The following MPHOSPH9 variants were observed in gnomAD, a reference collection of about 807,000 sequenced individuals.
MPHOSPH9 encodes the protein M-phase phosphoprotein 9.
Under a neutral mutation model 145.5 loss-of-function variants are expected in MPHOSPH9, and 88 were observed. The ratio of observed to expected loss-of-function variants is 0.60; its 90% CI spans 0.51 to 0.72. The LOEUF is 0.72. Ranked by LOEUF, MPHOSPH9 falls within the 30% of genes least tolerant of loss-of-function variation. The pLI is 0.00. For synonymous variants in MPHOSPH9, 435 were observed against 486.2 expected, an observed-to-expected ratio of 0.89 and a Z score of 1.39; for missense variants, 1,238 against 1,386.6, an observed-to-expected ratio of 0.89 and a Z score of 1.70.
intron 3 of MPHOSPH9, among the ~76,000 whole-genome samples, chr12:123,227,030 T>C (rs1004847163): frequency 6.6e-6 from 1 of 152,322 alleles, no homozygotes; most frequent in East Asian, 1.9e-4. Flanking sequence ...TATAATGCAA[T>C]GTATCACAGC....
At chr12:123,201,887 A>T (rs140902249) in intron 11 of MPHOSPH9, among the ~76,000 whole-genome samples, 1 of 152,314 alleles carries the variant, frequency 6.6e-6, no homozygotes, top group Non-Finnish European at 1.5e-5. Flanking sequence ...TAGACTTATT[A>T]GAAAGTCCAT....
intron 8 of MPHOSPH9, among the ~76,000 whole-genome samples, chr12:123,207,577 G>A (rs1043423757): frequency 4.6e-5 from 7 of 152,150 alleles, no homozygotes; most frequent in African/African-American, 1.7e-4. Context: ...ATGAAGGCCG[G>A]GTGCACTAGC....
chr12:123,200,432 T>A (rs1166119735), intron 11 of MPHOSPH9, among the ~76,000 whole-genome samples: 2 of 152,148 alleles, frequency 1.3e-5, no homozygotes, highest in East Asian at 3.9e-4. Context: ...TTAACTGCTA[T>A]AATACAGCCA....
At position 123,166,656 on chromosome 12, in the gene MPHOSPH9, C is replaced by T; in HGVS notation, c.2590G>A (p.Gly864Arg). The T allele has an allele frequency of 6.2e-7, 1 of 1,612,170 alleles. No individual in the cohort carries two copies. Among genetic ancestry groups the T allele is most frequent in the Middle Eastern group, 1.7e-4 (1 of 6,052 alleles). Residue 864 changes from glycine (G) to arginine (R), a missense_variant and splice_region_variant, in exon 17 of 24, where the codon GGG becomes AGG. Gly to Arg is a moderately radical substitution (Grantham distance 125). This residue lies in a region of MPHOSPH9 where 393 missense variants were observed against 462.5 expected (regional missense o/e 0.85). Coordinates refer to ENST00000606320, the MANE Select transcript of MPHOSPH9 (RefSeq NM_022782.4). ...DNQLEETCSL[G>R]HRSPLEKDSS... ...GAATCTTTAGCAAAGTTATCTCACC[C>T]TAGGCTACAGGTTTCCTCCAGCTGG...
Position 123,157,323 on chromosome 12 carries a change from T to C in MPHOSPH9, c.3451-415A>G, listed in dbSNP as rs548644026. On this transcript the variant is annotated intron_variant, in intron 23 of 23. Transcript: ENST00000606320. Reference sequence around the variant, plus strand: ...CACATACATAGATCAAATAACTTTCTTCTCACCAAAATTTCTAAGTTAAAA... The same window carrying C: ...CACATACATAGATCAAATAACTTTCCTCTCACCAAAATTTCTAAGTTAAAA... Among the ~76,000 whole-genome samples the C allele has an allele frequency of 1.1e-4, 17 of 151,814 alleles. No homozygotes were observed. The South Asian group carries it at 2.7e-3, about 24-fold the overall frequency.
At chr12:123,230,790 G>A (rs537528997) in intron 1 of MPHOSPH9, among the ~76,000 whole-genome samples, 1 of 152,282 alleles carries the variant, frequency 6.6e-6, no homozygotes, top group South Asian at 2.1e-4. Context: ...AAGATACTAT[G>A]CTAAGTAAAA....
At chr12:123,210,192 AGAGT>A in intron 7 of MPHOSPH9, 30 bp from the exon 8 acceptor site, 1 of 1,374,190 alleles carries the variant, frequency 7.3e-7, no homozygotes, top group Non-Finnish European at 9.9e-7. Context: ...AGAATAGAAA[AGAGT>A]GAGAAAAAAA....
At chr12:123,168,562 T>TA (rs2044426875) in intron 16 of MPHOSPH9, among the ~76,000 whole-genome samples, 1 of 151,920 alleles carries the variant, frequency 6.6e-6, no homozygotes, top group Admixed American at 6.6e-5. Flanking sequence ...CAGGATGGTC[T>TA]CGATCTCCTG....
chr12:123,202,373 T>C (rs1436909630), intron 10 of MPHOSPH9, 54 bp from the exon 11 acceptor site: 1 of 1,508,128 alleles, frequency 6.6e-7, no homozygotes, highest in Non-Finnish European at 8.9e-7. Flanking sequence ...TCAGTCTCCA[T>C]CCCACAAGAG....
At chr12:123,189,399 G>A (rs2045579075) in intron 13 of MPHOSPH9, among the ~76,000 whole-genome samples, 2 of 152,280 alleles carry the variant, frequency 1.3e-5, no homozygotes, top group Admixed American at 1.3e-4. Flanking sequence ...TGGAGCTATG[G>A]CAGCTAGAAC....
In MPHOSPH9 at chr12:123,161,362, G is replaced by T; in HGVS notation, c.3155C>A (p.Ala1052Asp). The T allele has an allele frequency of 6.2e-7, 1 of 1,613,932 alleles. No individual in the cohort carries two copies. Among genetic ancestry groups the T allele is most frequent in the Non-Finnish European group, 8.5e-7 (1 of 1,179,966 alleles). ...DSEEKTYSEKATDNHVNHSSC... is the reference protein window; with the variant it reads ...DSEEKTYSEKDTDNHVNHSSC... ...GCTATGATTAACATGGTTATCGGTG[G>T]CTTTCTCAGAATAAGTTTTTTCTGT... is the stretch of plus-strand genomic sequence containing the variant. Residue 1052 changes from alanine (A) to aspartate (D), a missense_variant, in exon 22 of 24, where the codon GCC becomes GAC. This residue lies in a region of MPHOSPH9 where 393 missense variants were observed against 462.5 expected (regional missense o/e 0.85). Coordinates refer to ENST00000606320, the MANE Select transcript of MPHOSPH9 (RefSeq NM_022782.4).
intron 8 of MPHOSPH9, among the ~76,000 whole-genome samples, chr12:123,207,805 A>C (rs1246870347): frequency 6.6e-6 from 1 of 151,474 alleles, no homozygotes; most frequent in African/African-American, 2.4e-5. Context: ...GTGAGCTGAG[A>C]TCACGCCACT....
At position 123,161,141 on chromosome 12, in the gene MPHOSPH9, C is replaced by A. The variant is rs756717239; in HGVS notation, c.3376G>T (p.Asp1126Tyr). 1.2e-6 allele frequency: 2 copies of A among 1,613,710 alleles called. No homozygotes were observed. The highest frequency in any genetic ancestry group is 4.5e-5 in the East Asian group (2 of 44,870). ...AAATATTTGTTTGTTTTTACCTGGT[C>A]CTTTTCTTTTGTAAGTTCATCAAAA... ...RFFDELTKEK[D>Y]QIEAALSRMP... The change falls in exon 22 of 24, where the codon GAC (aspartate) becomes TAC (tyrosine). Residue 1126 changes from aspartate (D) to tyrosine (Y), a missense_variant. Asp to Tyr is a radical substitution (Grantham distance 160). Around this residue, in one of 3 missense-constraint regions of MPHOSPH9, gnomAD observed 393 missense variants for 462.5 expected, o/e 0.85. Coordinates refer to ENST00000606320, the MANE Select transcript of MPHOSPH9 (RefSeq NM_022782.4).
intron 13 of MPHOSPH9, among the ~76,000 whole-genome samples, chr12:123,188,414 A>G (rs200640781): frequency 5.4e-4 from 79 of 145,204 alleles, no homozygotes; most frequent in African/African-American, 1.9e-3. Context: ...AGACTATTAT[A>G]ACAGGCTATA....
chr12:123,158,469 G>T (rs907858178), intron 23 of MPHOSPH9, among the ~76,000 whole-genome samples: 4 of 152,156 alleles, frequency 2.6e-5, no homozygotes, highest in Non-Finnish European at 4.4e-5. Flanking sequence ...GCCAGGTGTG[G>T]TGGTGCATGC....
rs1180098188 is a variant in MPHOSPH9, at chr12:123,155,298, AAAAGTTGCAG to A, written c.*1499_*1508del. 1.3e-5 allele frequency: 2 copies of A among 152,248 alleles called. No homozygotes were observed. Among genetic ancestry groups the A allele is most frequent in the African/African-American group, 4.8e-5 (2 of 41,472 alleles). The allele number at this position is 152,248 out of a possible 1,614,324, so 9.4% of individuals were successfully genotyped here. A position where few individuals can be genotyped will look rare whatever the true frequency, so the allele number is the denominator to read the frequency against. On this transcript the variant is annotated 3_prime_UTR_variant, in exon 24 of 24. Coordinates refer to ENST00000606320, the MANE Select transcript of MPHOSPH9 (RefSeq NM_022782.4). ...TAATTTTGATTAGCCTGAAGTCTTCAAAAGTTGCAGAGTAGGGAGCAAAGGTTCAACTGCA... is the reference window on the plus strand; with the variant it reads ...TAATTTTGATTAGCCTGAAGTCTTCAAGTAGGGAGCAAAGGTTCAACTGCA...
At chr12:123,222,021 A>G in intron 4 of MPHOSPH9, 126 bp from the exon 5 acceptor site, 1 of 671,868 alleles carries the variant, frequency 1.5e-6, no homozygotes, top group Admixed American at 3.3e-5. Flanking sequence ...GTGATACTTT[A>G]TCTTTAGTTT....
intron 2 of MPHOSPH9, among the ~76,000 whole-genome samples, chr12:123,229,497 T>C (rs1297025923): frequency 6.6e-6 from 1 of 152,244 alleles, no homozygotes; most frequent in Non-Finnish European, 1.5e-5. Flanking sequence ...TAGTCCACTA[T>C]TTTGTCTACT....
rs1400655553 is a variant in MPHOSPH9 at position 123,156,248 on chromosome 12, G to C, written c.*559C>G. On this transcript the variant is annotated 3_prime_UTR_variant, in exon 24 of 24. Coordinates refer to ENST00000606320, the MANE Select transcript of MPHOSPH9 (RefSeq NM_022782.4). Reference sequence around the variant, plus strand: ...GAGTTATATTCATGTAGTTTTCAAAGCTTTCCAAGAGTCCATTATTACTAT... The same window carrying C: ...GAGTTATATTCATGTAGTTTTCAAACCTTTCCAAGAGTCCATTATTACTAT... 6.6e-6 allele frequency: 1 copy of C among 152,152 alleles called. No homozygotes were observed. The highest frequency in any genetic ancestry group is 1.5e-5 in the Non-Finnish European group (1 of 68,016). 9.4% of individuals were successfully genotyped at this position (152,152 alleles called of 1,614,324 possible). A position where few individuals can be genotyped will look rare whatever the true frequency, so the allele number is the denominator to read the frequency against.
Sources: gnomAD v4.1 joint callset for allele counts (sites outside exome capture counted in the v4.1 genomes callset) on GRCh38, gnomAD v4.1.1 for gene constraint, gnomAD v4.1.1 regional missense constraint, MANE v1.5 for transcripts, NCBI Gene and HGNC (gene_info 2026-07-23, HGNC 2026-07-21) for gene names.